The following DNAH7 variants were observed in gnomAD, a reference collection of about 807,000 sequenced individuals.
DNAH7 encodes axonemal beta dynein heavy chain 7.
In DNAH7, 397 loss-of-function variants were observed where a neutral mutation model predicts 444.6. The observed-to-expected ratio is 0.89, with a 90% CI of 0.82 to 0.97. DNAH7 has a LOEUF of 0.97. Among genes scored for constraint, DNAH7 ranks in the 50% least tolerant of loss-of-function variants. The pLI is 0.00. For missense variants in DNAH7, 4,902 were observed against 4,800.8 expected (o/e 1.02, Z -0.62); for synonymous variants, 1,636 against 1,624.4 (o/e 1.01, Z -0.17).
chr2:195,813,405 G>A (rs1187856030), intron 51 of DNAH7, among the ~76,000 whole-genome samples: 1 of 152,048 alleles, frequency 6.6e-6, no homozygotes, highest in Non-Finnish European at 1.5e-5. Flanking sequence ...ACCCAGTAAT[G>A]TCTTTCTCAA....
intron 57 of DNAH7, among the ~76,000 whole-genome samples, chr2:195,788,559 T>C (rs1574435134): frequency 6.6e-6 from 1 of 152,070 alleles, no homozygotes; most frequent in African/African-American, 2.4e-5. Context: ...CAGAATAACT[T>C]TGAAAGGTAG....
rs927438608 is a variant in DNAH7, at chr2:195,914,343, A to G, written c.3936-4148T>C. Among the ~76,000 whole-genome samples, 3 of 152,272 alleles carry G rather than the reference A, an allele frequency of 2.0e-5. No individual in the cohort carries two copies. In the East Asian group the frequency reaches 5.8e-4, roughly 29 times the overall value. On this transcript the variant is annotated intron_variant, in intron 24 of 64. Transcript: ENST00000312428. The stretch of plus-strand genomic sequence containing the variant: ...TCACAGTTACTTGCTAGATATACAC[A>G]TGTAATGTTAACTGTAAAGGGATTC...
rs370700914 is a variant in DNAH7, at chr2:196,055,617, G to A, written c.78+2437C>T. 2.6e-5 allele frequency among the ~76,000 whole-genome samples: 4 copies of A among 152,332 alleles called. No homozygotes were observed. In the East Asian group the frequency reaches 5.8e-4, roughly 22 times the overall value. Reference sequence around the variant, plus strand: ...AACAGGTGCAATAGGTGTTCTCAGAGTTGAAGCCTTCCCTTTGGGGAGAAT... The same window carrying A: ...AACAGGTGCAATAGGTGTTCTCAGAATTGAAGCCTTCCCTTTGGGGAGAAT... On this transcript the variant is annotated intron_variant, in intron 2 of 64. Coordinates refer to ENST00000312428, the MANE Select transcript of DNAH7 (RefSeq NM_018897.3).
chr2:195,793,884 C>T (rs545129327), intron 57 of DNAH7, among the ~76,000 whole-genome samples: 29 of 152,194 alleles, frequency 1.9e-4, no homozygotes, highest in East Asian at 1.7e-3. Flanking sequence ...TGCCTGGTGA[C>T]GCTAAAAAAG....
rs768956210 is a variant in DNAH7, at chr2:195,972,269, T to C, written c.2031A>G (p.Lys677=). ...FEEHRKIIKE[K]IEQYQEGLKL... ...TCAGACCTTCTTGATATTGTTCTATTTTCTCTTTAATGATTTTCCTGTGTT... is the reference window on the plus strand; with the variant it reads ...TCAGACCTTCTTGATATTGTTCTATCTTCTCTTTAATGATTTTCCTGTGTT... Residue 677 remains lysine, a synonymous_variant, in exon 16 of 65, where the codon AAA becomes AAG. Transcript: ENST00000312428. 1 of 1,613,972 alleles carries C rather than the reference T, an allele frequency of 6.2e-7. No individual in the cohort carries two copies. The highest frequency in any genetic ancestry group is 2.2e-5 in the East Asian group (1 of 44,878).
At chr2:196,022,321 T>C (rs1226823208) in intron 8 of DNAH7, among the ~76,000 whole-genome samples, 1 of 152,184 alleles carries the variant, frequency 6.6e-6, no homozygotes, top group Non-Finnish European at 1.5e-5. Flanking sequence ...GACTCTTCTT[T>C]TCATGAAAGA....
At chr2:196,056,275 T>C (rs541378437) in intron 2 of DNAH7, among the ~76,000 whole-genome samples, 2 of 152,022 alleles carry the variant, frequency 1.3e-5, no homozygotes, top group African/African-American at 4.8e-5. Context: ...TGAAACCACA[T>C]CTCTACTAAA....
chr2:195,971,731 T>C (rs1691856397), intron 16 of DNAH7, among the ~76,000 whole-genome samples: 1 of 151,900 alleles, frequency 6.6e-6, no homozygotes, highest in Admixed American at 6.6e-5. Flanking sequence ...GACAGTGAAA[T>C]GGGCAAATCA....
intron 15 of DNAH7, among the ~76,000 whole-genome samples, chr2:195,973,939 G>T (rs1692017843): frequency 6.6e-6 from 1 of 152,098 alleles, no homozygotes; most frequent in African/African-American, 2.4e-5. Flanking sequence ...TTGGACGGGT[G>T]TGGTGGCAGG....
chr2:195,957,182 T>C (rs995411829), intron 19 of DNAH7, 79 bp downstream of exon 19: 66 of 1,202,942 alleles, frequency 5.5e-5, no homozygotes, highest in Non-Finnish European at 7.2e-5. Context: ...GAAACAATAA[T>C]GGCTTATATG....
intron 63 of DNAH7, among the ~76,000 whole-genome samples, chr2:195,753,817 T>C (rs1275734942): frequency 1.3e-5 from 2 of 152,198 alleles, no homozygotes; most frequent in Admixed American, 6.5e-5. Flanking sequence ...CAAATGTTTC[T>C]ATTAGCTATA....
chr2:196,058,751 A>G (rs1559378426), intron 1 of DNAH7, among the ~76,000 whole-genome samples: 2 of 152,214 alleles, frequency 1.3e-5, no homozygotes, highest in South Asian at 2.1e-4. Flanking sequence ...GTTAAGATGC[A>G]ATACACCCTG....
chr2:195,917,277 C>T (rs1001073858), intron 24 of DNAH7, among the ~76,000 whole-genome samples: 12 of 151,820 alleles, frequency 7.9e-5, no homozygotes, highest in African/African-American at 2.4e-4. Context: ...AGTCAAATGG[C>T]GGAGTTTGAC....
intron 48 of DNAH7, among the ~76,000 whole-genome samples, chr2:195,833,199 G>A (rs1366994644): frequency 1.3e-5 from 2 of 152,136 alleles, no homozygotes; most frequent in African/African-American, 4.8e-5. Flanking sequence ...CCTTTTCTAT[G>A]TAACTCCTAT....
intron 43 of DNAH7, among the ~76,000 whole-genome samples, chr2:195,858,212 G>A (rs1000701687): frequency 6.6e-6 from 1 of 152,200 alleles, no homozygotes; most frequent in Admixed American, 6.5e-5. Context: ...GTGCAAAGAT[G>A]TATGAAGTTC....
intron 1 of DNAH7, among the ~76,000 whole-genome samples, chr2:196,059,395 C>T (rs1464567641): frequency 6.6e-6 from 1 of 152,196 alleles, no homozygotes; most frequent in Non-Finnish European, 1.5e-5. Context: ...ATGAGTTGTG[C>T]TTCTGGCCAG....
At chr2:195,995,034 A>G (rs1693602678) in intron 12 of DNAH7, 2 of 258,406 alleles carry the variant, frequency 7.7e-6, no homozygotes, top group Admixed American at 9.9e-5. Context: ...GGTTCAAGCG[A>G]TTCTCCTGCC....
chr2:195,874,780 C>T (rs902376484), intron 38 of DNAH7, among the ~76,000 whole-genome samples: 8 of 151,998 alleles, frequency 5.3e-5, no homozygotes, highest in Non-Finnish European at 1.0e-4. Context: ...TATGATCACA[C>T]CACTGCACCC....
In DNAH7 at chr2:195,861,748, T is replaced by C. The variant is rs757425282; in HGVS notation, c.7705A>G (p.Thr2569Ala). Residue 2569 changes from threonine (T) to alanine (A), a missense_variant, in exon 42 of 65, where the codon ACC (threonine) becomes GCC (alanine). Physicochemically the swap from Thr to Ala is moderately conservative, Grantham distance 58 (BLOSUM62 0). Transcript: ENST00000312428. ...TTCTTTTCTAACAACAGTTTGAAGG[T>C]GGAGATTAATTCGAGGTAAGAGGTA... ...TPTSYLELIS[T>A]FKLLLEKKRS... 2 of 1,611,976 alleles carry C rather than the reference T, an allele frequency of 1.2e-6. No individual in the cohort carries two copies. Among genetic ancestry groups the C allele is most frequent in the East Asian group, 2.2e-5 (1 of 44,856 alleles).
Sources: gnomAD v4.1 joint callset for allele counts (sites outside exome capture counted in the v4.1 genomes callset) on GRCh38, gnomAD v4.1.1 for gene constraint, MANE v1.5 for transcripts, NCBI Gene and HGNC (gene_info 2026-07-23, HGNC 2026-07-21) for gene names.